The following ALK variants were observed in gnomAD, a reference collection of about 807,000 sequenced individuals.
ALK encodes ALK receptor tyrosine kinase.
ALK carries 74 observed loss-of-function variants against 163.1 expected under a neutral mutation model. That is an observed-to-expected ratio of 0.45 (90% CI 0.38 to 0.55). The LOEUF (loss-of-function observed/expected upper bound fraction) is 0.55, where lower values mean the gene tolerates loss of function less well. ALK is among the 20% of genes least tolerant of loss of function. The pLI is 0.00. For missense variants in ALK, 2,063 were observed against 2,105.3 expected, an observed-to-expected ratio of 0.98 and a Z score of 0.39; for synonymous variants, 960 against 843.2, an observed-to-expected ratio of 1.14 and a Z score of -2.40.
intron 1 of ALK, among the ~76,000 whole-genome samples, chr2:29,730,273 T>A (rs1166828464): frequency 6.6e-6 from 1 of 152,134 alleles, no homozygotes; most frequent in African/African-American, 2.4e-5. Context: ...TCAGCACAAG[T>A]AGACAGAGGG....
chr2:29,403,894 A>G (rs1170178511), intron 4 of ALK, among the ~76,000 whole-genome samples: 1 of 152,112 alleles, frequency 6.6e-6, no homozygotes, highest in Non-Finnish European at 1.5e-5. Flanking sequence ...CTTGAGCAAC[A>G]GAGAGAGACC....
chr2:29,549,327 T>C (rs1305404877), intron 3 of ALK, among the ~76,000 whole-genome samples: 1 of 152,230 alleles, frequency 6.6e-6, no homozygotes, highest in Non-Finnish European at 1.5e-5. Context: ...ATTGGCCTGA[T>C]TCTTGTTCCT....
At chr2:29,369,440 G>T (rs150875425) in intron 5 of ALK, among the ~76,000 whole-genome samples, 1 of 152,272 alleles carries the variant, frequency 6.6e-6, no homozygotes, top group Admixed American at 6.5e-5. Flanking sequence ...TTAGAGTAAG[G>T]ATGAAAAGAG....
chr2:29,655,062 T>C (rs1477276669), intron 3 of ALK, among the ~76,000 whole-genome samples: 1 of 152,174 alleles, frequency 6.6e-6, no homozygotes, highest in African/African-American at 2.4e-5. Flanking sequence ...AGACCAGATA[T>C]TGGTTTCCAG....
chr2:29,679,059 T>A (rs1040777628), intron 3 of ALK, among the ~76,000 whole-genome samples: 4 of 151,930 alleles, frequency 2.6e-5, no homozygotes, highest in African/African-American at 9.7e-5. Context: ...TGTTGTTTGA[T>A]GCACATACAT....
chr2:29,482,888 G>A (rs1166686515), intron 4 of ALK, among the ~76,000 whole-genome samples: 1 of 152,104 alleles, frequency 6.6e-6, no homozygotes, highest in Non-Finnish European at 1.5e-5. Context: ...GTGCATGAAG[G>A]GGCGATAGGA....
At chr2:29,813,427 T>TGGA (rs539836505) in intron 1 of ALK, among the ~76,000 whole-genome samples, 2 of 151,772 alleles carry the variant, frequency 1.3e-5, no homozygotes, top group East Asian at 3.9e-4. Flanking sequence ...AGGGAGTGGA[T>TGGA]GGAGGAGGAG....
At chr2:29,294,221 T>C (rs940260242) in intron 9 of ALK, among the ~76,000 whole-genome samples, 1 of 152,226 alleles carries the variant, frequency 6.6e-6, no homozygotes, top group African/African-American at 2.4e-5. Flanking sequence ...CCCATTTTCA[T>C]CTTCTAGCAA....
chr2:29,454,052 G>A (rs62131806), intron 4 of ALK, among the ~76,000 whole-genome samples: 7,258 of 152,262 alleles, frequency 0.048, 240 homozygotes, highest in Non-Finnish European at 0.071. Context: ...TTTGGCTACC[G>A]GATGGAACTG....
intron 1 of ALK, among the ~76,000 whole-genome samples, chr2:29,888,301 T>C (rs1210584235): frequency 6.6e-6 from 1 of 151,068 alleles, no homozygotes; most frequent in Middle Eastern, 3.4e-3. Flanking sequence ...TGATCAATGA[T>C]CACAATTTTA....
chr2:29,796,774 C>T (rs918781899), intron 1 of ALK, among the ~76,000 whole-genome samples: 11 of 151,898 alleles, frequency 7.2e-5, no homozygotes, highest in Admixed American at 6.6e-5. Flanking sequence ...AAAGAAGCTC[C>T]GGTGTGGGGT....
chr2:29,708,229 G>A (rs548000089), intron 2 of ALK, among the ~76,000 whole-genome samples: 50 of 152,144 alleles, frequency 3.3e-4, no homozygotes, highest in African/African-American at 1.0e-3. Context: ...CACCATGCCC[G>A]GCTAATTTTT....
At chr2:29,649,226 G>A (rs990202290) in intron 3 of ALK, among the ~76,000 whole-genome samples, 3 of 151,384 alleles carry the variant, frequency 2.0e-5, no homozygotes, top group African/African-American at 7.3e-5. Flanking sequence ...GTGAGAGAGA[G>A]AGAGAGAGAG....
intron 3 of ALK, among the ~76,000 whole-genome samples, chr2:29,630,256 G>A (rs1374566617): frequency 6.6e-6 from 1 of 152,062 alleles, no homozygotes; most frequent in African/African-American, 2.4e-5. Context: ...AGCCCATCGT[G>A]GAGAAAATAA....
At chr2:29,916,988 T>G (rs1667852796) in intron 1 of ALK, among the ~76,000 whole-genome samples, 1 of 152,206 alleles carries the variant, frequency 6.6e-6, no homozygotes, top group African/African-American at 2.4e-5. Context: ...TATTTCTGAA[T>G]TCACAGTAAC....
chr2:29,576,915 A>C (rs895745286), intron 3 of ALK, among the ~76,000 whole-genome samples: 1 of 151,938 alleles, frequency 6.6e-6, no homozygotes, highest in Non-Finnish European at 1.5e-5. Context: ...GGCTTCCACC[A>C]ATTCTACATT....
chr2:29,629,669 A>T (rs1168906351), intron 3 of ALK, among the ~76,000 whole-genome samples: 1 of 152,220 alleles, frequency 6.6e-6, no homozygotes, highest in East Asian at 1.9e-4. Context: ...ACCATCTAAC[A>T]TTACTGAGTA....
At chr2:29,236,500 G>T (rs114016990) in intron 13 of ALK, among the ~76,000 whole-genome samples, 11,582 of 152,162 alleles carry the variant, frequency 0.076, 554 homozygotes, top group Non-Finnish European at 0.11. Flanking sequence ...AGGAACTTGG[G>T]ATATATTGGT....
intron 15 of ALK, among the ~76,000 whole-genome samples, chr2:29,231,501 G>A (rs1315356369): frequency 6.6e-6 from 1 of 152,206 alleles, no homozygotes; most frequent in South Asian, 2.1e-4. Flanking sequence ...ATGTGCAACA[G>A]AGGCAGAGGT....
Sources: gnomAD v4.1 joint callset for allele counts (sites outside exome capture counted in the v4.1 genomes callset) on GRCh38, gnomAD v4.1.1 for gene constraint, MANE v1.5 for transcripts, NCBI Gene and HGNC (gene_info 2026-07-23, HGNC 2026-07-21) for gene names.